The following BAHD1 variants were observed in gnomAD, a reference collection of about 807,000 sequenced individuals.
BAHD1 encodes the protein bromo adjacent homology domain-containing 1 protein.
Under a neutral mutation model 63.1 loss-of-function variants are expected in BAHD1, and 20 were observed. The ratio of observed to expected loss-of-function variants is 0.32; its 90% CI spans 0.22 to 0.46. The LOEUF (loss-of-function observed/expected upper bound fraction) is 0.46. Ranked by LOEUF, BAHD1 falls within the 20% of genes least tolerant of loss-of-function variation. The probability of loss-of-function intolerance (pLI) is 1.00; values close to 1 mark genes in which losing one functional copy is unlikely to be tolerated. For synonymous variants in BAHD1, 408 were observed against 426.8 expected (o/e 0.96, Z 0.54); for missense variants, 939 against 1,071.8 (o/e 0.88, Z 1.73).
chr15:40,455,497 G>A (rs1489015399), intron 1 of BAHD1, among the ~76,000 whole-genome samples: 2 of 152,150 alleles, frequency 1.3e-5, no homozygotes, highest in African/African-American at 4.8e-5. Context: ...AGACTGAGTG[G>A]GGACAACTAT....
At chr15:40,464,255 C>T in intron 4 of BAHD1, 1 of 651,296 alleles carries the variant, frequency 1.5e-6, no homozygotes, top group East Asian at 2.7e-5. Context: ...GGCACCTGTC[C>T]CCCCACCTCA....
intron 1 of BAHD1, among the ~76,000 whole-genome samples, chr15:40,446,056 C>T (rs753550211): frequency 6.6e-6 from 1 of 152,232 alleles, no homozygotes; most frequent in Admixed American, 6.5e-5. Flanking sequence ...GGTGTAGCTC[C>T]TGACCCCTCA....
Position 40,459,191 on chromosome 15 carries a change from A to G in BAHD1, c.727A>G (p.Lys243Glu). ...GCGCTCCACTGAGCCCCCAGCACCC[A>G]AGGCCCCGAGGCCAAAGTGGCCCAA... ...DGRSTEPPAP[K>E]APRPKWPKVN... Residue 243 changes from lysine to glutamate, a missense_variant, in exon 2 of 7, where the codon AAG (lysine) becomes GAG (glutamate). Around this residue, in one of 5 missense-constraint regions of BAHD1, gnomAD observed 797 missense variants for 813.3 expected, o/e 0.98. Transcript: ENST00000416165. The G allele has an allele frequency of 6.2e-7, 1 of 1,612,436 alleles. No homozygotes were observed. The highest frequency in any genetic ancestry group is 8.5e-7 in the Non-Finnish European group (1 of 1,179,426).
rs745465359 is a variant in BAHD1 at position 40,466,085 on chromosome 15, T to G, written c.2298T>G (p.His766Gln). The G allele has an allele frequency of 2.5e-6, 4 of 1,614,126 alleles. No homozygotes were observed. The East Asian group carries it at 8.9e-5, about 36-fold the overall frequency. Residue 766 changes from histidine (H) to glutamine (Q), a missense_variant, in exon 7 of 7, where the codon CAT becomes CAG. Transcript: ENST00000416165. ...TDPELVFLCR[H>Q]VYDFRHGRIL... Reference sequence around the variant, plus strand: ...CTGAGCTGGTGTTCCTTTGCCGCCATGTCTATGACTTCCGCCACGGGCGCA... The same window carrying G: ...CTGAGCTGGTGTTCCTTTGCCGCCAGGTCTATGACTTCCGCCACGGGCGCA...
Position 40,459,024 on chromosome 15 carries a change from C to G in BAHD1, c.560C>G (p.Pro187Arg). The G allele has an allele frequency of 6.3e-7, 1 of 1,596,550 alleles. No individual in the cohort carries two copies. The highest frequency in any genetic ancestry group is 8.5e-7 in the Non-Finnish European group (1 of 1,169,988). ...GGAAGTCGGGACCTGTCTCCAGAGCCAGCACCCGATGAAGGTCCCCGCCGA... is the reference window on the plus strand; with the variant it reads ...GGAAGTCGGGACCTGTCTCCAGAGCGAGCACCCGATGAAGGTCCCCGCCGA... ...GGGSRDLSPE[P>R]APDEGPRRDG... The change falls in exon 2 of 7, where the codon CCA becomes CGA. Residue 187 changes from proline (P) to arginine (R), a missense_variant. Pro to Arg is a moderately radical substitution (Grantham distance 103, BLOSUM62 -2). Coordinates refer to ENST00000416165, the MANE Select transcript of BAHD1 (RefSeq NM_014952.5).
chr15:40,445,038 G>A lies in BAHD1; in HGVS notation c.-15+3770G>A, dbSNP rs191691638. Among the ~76,000 whole-genome samples the A allele has an allele frequency of 3.1e-3, 477 of 151,878 alleles. 2 individuals carry two copies. The highest frequency in any genetic ancestry group is 3.8e-3 in the Non-Finnish European group (257 of 67,924). On this transcript the variant is annotated intron_variant, in intron 1 of 6. Coordinates refer to ENST00000416165, the MANE Select transcript of BAHD1 (RefSeq NM_014952.5). ...AAGCTACCTCAGAATGCATCTCCTG[G>A]GCTCTCTTCTCAGCTCCTTTAGCTG...
chr15:40,459,820 C>A lies in BAHD1; in HGVS notation c.1356C>A (p.Cys452Ter). 1 of 1,612,780 alleles carries A rather than the reference C, an allele frequency of 6.2e-7. No homozygotes were observed. Residue 452 changes from cysteine to a stop codon, truncating the protein, a stop_gained, in exon 2 of 7, where the codon TGC becomes TGA. Coordinates refer to ENST00000416165, the MANE Select transcript of BAHD1 (RefSeq NM_014952.5). LOFTEE classifies it high-confidence loss of function. ...EDTGVNGYSI[C>*]GVLPLSVTHA... The stretch of plus-strand genomic sequence containing the variant: ...CTGGAGTGAATGGCTACAGCATCTG[C>A]GGAGTGTTGCCCCTGTCTGTTACCC...
chr15:40,458,921 C>A lies in BAHD1; in HGVS notation c.457C>A (p.Arg153Ser). 1.3e-6 allele frequency: 2 copies of A among 1,596,910 alleles called. No homozygotes were observed. The highest frequency in any genetic ancestry group is 1.7e-6 in the Non-Finnish European group (2 of 1,170,690). ...CCGCAGTCGAGCAGGGGATCCCCAC[C>A]GCAGCCGTGACCGTGATCGTGCTAC... Reference protein sequence around the residue: ...TRRSRAGDPHRSRDRDRATGG... With the variant: ...TRRSRAGDPHSSRDRDRATGG... Residue 153 changes from arginine (R) to serine (S), a missense_variant, in exon 2 of 7, where the codon CGC becomes AGC. Physicochemically the swap from Arg to Ser is moderately radical, Grantham distance 110 (BLOSUM62 -1). Around this residue, in one of 5 missense-constraint regions of BAHD1, gnomAD observed 797 missense variants for 813.3 expected, o/e 0.98. Transcript: ENST00000416165. The surrounding 1 kb of genome is among the most constrained non-coding windows in gnomAD (Gnocchi z 4.7).
rs1894128848 is a variant in BAHD1 at position 40,463,992 on chromosome 15, C to T, written c.1947C>T (p.Ile649=). The part of the protein sequence containing the change: ...RKTSTPYVAK[I]SALWENPESG... Reference sequence around the variant, plus strand: ...CCTCCACACCTTATGTGGCCAAGATCTCTGCCCTCTGGGAGAACCCCGAGT... The same window carrying T: ...CCTCCACACCTTATGTGGCCAAGATTTCTGCCCTCTGGGAGAACCCCGAGT... Residue 649 remains isoleucine, a synonymous_variant, in exon 4 of 7, where the codon ATC becomes ATT. Coordinates refer to ENST00000416165, the MANE Select transcript of BAHD1 (RefSeq NM_014952.5). 4 of 1,614,120 alleles carry T rather than the reference C, an allele frequency of 2.5e-6. No individual in the cohort carries two copies. Among genetic ancestry groups the T allele is most frequent in the Admixed American group, 3.3e-5 (2 of 60,012 alleles).
At chr15:40,439,784 C>G (rs1238000232), upstream of BAHD1, 1 of 152,382 alleles carries the variant, frequency 6.6e-6, no homozygotes, top group African/African-American at 2.4e-5. Flanking sequence ...GCTCTGGCAC[C>G]ACCAGGTGCC....
rs199948383 is a variant in BAHD1, at chr15:40,447,583, T to TA, written c.-15+6318dup. On this transcript the variant is annotated intron_variant, in intron 1 of 6. Coordinates refer to ENST00000416165, the MANE Select transcript of BAHD1 (RefSeq NM_014952.5). ...CAGAATAAATAAATAAATAAATAAA[T>TA]AAATAAATAAATAAATAAATAAATA... Among the ~76,000 whole-genome samples, 1,251 of 147,758 alleles carry TA rather than the reference T, an allele frequency of 8.5e-3. 14 individuals are homozygous for TA. Among genetic ancestry groups the TA allele is most frequent in the African/African-American group, 0.029 (1,172 of 40,244 alleles).
In BAHD1 at chr15:40,466,158, C is replaced by T. The variant is rs746548762; in HGVS notation, c.*28C>T. On this transcript the variant is annotated 3_prime_UTR_variant, in exon 7 of 7. Transcript: ENST00000416165. ...TCCTCATGCCCATGCTGGGGCTACC[C>T]ATGGGCAAGTGGGGCTCGGGGTAGG... 5.6e-6 allele frequency: 9 copies of T among 1,602,482 alleles called. No individual in the cohort carries two copies. Among genetic ancestry groups the T allele is most frequent in the Middle Eastern group, 1.7e-4 (1 of 5,988 alleles).
chr15:40,464,967 G>A (rs1894158542), intron 5 of BAHD1: 1 of 374,846 alleles, frequency 2.7e-6, no homozygotes, highest in South Asian at 3.1e-5. Flanking sequence ...TAAAAGAGGT[G>A]ACTGCCATCT....
At chr15:40,463,136 C>T (rs1158043776) in intron 3 of BAHD1, among the ~76,000 whole-genome samples, 1 of 151,930 alleles carries the variant, frequency 6.6e-6, no homozygotes, top group Non-Finnish European at 1.5e-5. Context: ...ATCCTGTCTA[C>T]AGAAAAAAAA....
intron 1 of BAHD1, among the ~76,000 whole-genome samples, chr15:40,455,298 C>T (rs1893817100): frequency 6.6e-6 from 1 of 152,152 alleles, no homozygotes; most frequent in African/African-American, 2.4e-5. Context: ...ACCCTACCCC[C>T]CAGGGGAGTA....
At chr15:40,462,930 C>G (rs1338750934) in intron 3 of BAHD1, among the ~76,000 whole-genome samples, 3 of 152,014 alleles carry the variant, frequency 2.0e-5, no homozygotes, top group African/African-American at 4.8e-5. Flanking sequence ...GCTGATTGCA[C>G]CACTGCACTC....
intron 1 of BAHD1, among the ~76,000 whole-genome samples, chr15:40,445,656 T>C (rs1299613013): frequency 2.6e-5 from 4 of 152,204 alleles, no homozygotes; most frequent in Non-Finnish European, 5.9e-5. Context: ...TGGAGCATTA[T>C]ACGAACAGCC....
intron 6 of BAHD1, 83 bp from the exon 7 acceptor site, chr15:40,465,858 G>T (rs1309722083): frequency 2.8e-6 from 4 of 1,411,602 alleles, no homozygotes; most frequent in African/African-American, 1.4e-5. Context: ...AGCTCTCTGG[G>T]TCGGGTAGGG....
In BAHD1 at chr15:40,467,814, T is replaced by G. The variant is rs1220459719; in HGVS notation, c.*1684T>G. The G allele has an allele frequency of 6.6e-6, 1 of 152,578 alleles. No homozygotes were observed. Among genetic ancestry groups the G allele is most frequent in the Non-Finnish European group, 1.5e-5 (1 of 68,038 alleles). The allele number at this position is 152,578 out of a possible 1,614,324, so 9.5% of individuals were successfully genotyped here. A position where few individuals can be genotyped will look rare whatever the true frequency, so the allele number is the denominator to read the frequency against. ...TGGGAGGATGGGGCAGTAAATGAGGTTGGCAGAGTGGCAGTGGGGGCTCTG... is the reference window on the plus strand; with the variant it reads ...TGGGAGGATGGGGCAGTAAATGAGGGTGGCAGAGTGGCAGTGGGGGCTCTG... On this transcript the variant is annotated 3_prime_UTR_variant, in exon 7 of 7. Coordinates refer to ENST00000416165, the MANE Select transcript of BAHD1 (RefSeq NM_014952.5).
Sources: gnomAD v4.1 joint callset for allele counts (sites outside exome capture counted in the v4.1 genomes callset) on GRCh38, gnomAD v4.1.1 for gene constraint, gnomAD v4.1.1 regional missense constraint, Gnocchi (gnomAD v3.1) non-coding constraint, MANE v1.5 for transcripts, NCBI Gene and HGNC (gene_info 2026-07-23, HGNC 2026-07-21) for gene names.